The following MYLK4 variants were observed in gnomAD, a reference collection of about 807,000 sequenced individuals.
MYLK4 encodes myosin light chain kinase family member 4.
MYLK4 carries 46 observed loss-of-function variants against 48.1 expected under a neutral mutation model. That is an observed-to-expected ratio of 0.96 (90% CI 0.75 to 1.22). The LOEUF (loss-of-function observed/expected upper bound fraction) is 1.22. Ranked by LOEUF, MYLK4 falls within the 50% of genes most tolerant of loss-of-function variation. MYLK4 has a pLI of 0.00. For missense variants in MYLK4, 451 were observed against 486.1 expected, an observed-to-expected ratio of 0.93 and a Z score of 0.68; for synonymous variants, 170 against 180.8, an observed-to-expected ratio of 0.94 and a Z score of 0.48.
At chr6:2,747,485 A>G (rs910078501) in intron 2 of MYLK4, among the ~76,000 whole-genome samples, 2 of 152,086 alleles carry the variant, frequency 1.3e-5, no homozygotes, top group African/African-American at 4.8e-5. Flanking sequence ...AGCTGGGACT[A>G]CAGATGTGTG....
At chr6:2,752,006 G>C (rs961353374), upstream of MYLK4, among the ~76,000 whole-genome samples, 1 of 152,268 alleles carries the variant, frequency 6.6e-6, no homozygotes, top group South Asian at 2.1e-4. Flanking sequence ...TAATTAAATT[G>C]TGTAGAAGTA....
At chr6:2,668,351 C>T (rs553096663) in intron 12 of MYLK4, among the ~76,000 whole-genome samples, 1 of 152,224 alleles carries the variant, frequency 6.6e-6, no homozygotes, top group East Asian at 1.9e-4. Flanking sequence ...GACCTGGGGC[C>T]CGCACACGGC....
At position 2,668,554 on chromosome 6, in the gene MYLK4, A is replaced by T. The variant is rs1247799311; in HGVS notation, c.*26-655T>A. On this transcript the variant is annotated intron_variant, in intron 12 of 12. Transcript: ENST00000274643. ...ATTATGCCTTATTTATCGGCCTGGA[A>T]CTCTTTCTTTTACAACAGGAATAAT... Among the ~76,000 whole-genome samples, 8 of 151,930 alleles carry T rather than the reference A, an allele frequency of 5.3e-5. No homozygotes were observed. The East Asian group carries it at 1.5e-3, about 29-fold the overall frequency.
chr6:2,698,107 C>T (rs1582062549), intron 2 of MYLK4, among the ~76,000 whole-genome samples: 1 of 152,192 alleles, frequency 6.6e-6, no homozygotes, highest in East Asian at 1.9e-4. Context: ...AAATTGTGTT[C>T]ATAACATAAC....
At chr6:2,729,788 C>T (rs1049005887) in intron 2 of MYLK4, among the ~76,000 whole-genome samples, 4 of 152,034 alleles carry the variant, frequency 2.6e-5, no homozygotes, top group African/African-American at 9.7e-5. Flanking sequence ...CTACAAAGAA[C>T]CCTGTTAGGA....
chr6:2,690,821 A>ATGTT (rs1561842811), intron 3 of MYLK4, among the ~76,000 whole-genome samples: 1 of 127,812 alleles, frequency 7.8e-6, no homozygotes, highest in African/African-American at 3.2e-5. Flanking sequence ...ATCTCTCTGA[A>ATGTT]TCTTTTTTTT....
At chr6:2,760,484 A>T in the MYLK4 span, among the ~76,000 whole-genome samples, 1 of 152,186 alleles carries the variant, frequency 6.6e-6, no homozygotes, top group South Asian at 2.1e-4. Context: ...AAGCAATCAA[A>T]TTCAATTTCT....
intron 2 of MYLK4, among the ~76,000 whole-genome samples, chr6:2,742,676 C>T (rs1380043475): frequency 7.2e-6 from 1 of 139,418 alleles, no homozygotes; most frequent in African/African-American, 2.7e-5. Flanking sequence ...AATGAGAACA[C>T]GTGGACACAG....
chr6:2,741,987 G>A (rs965197235), intron 2 of MYLK4, among the ~76,000 whole-genome samples: 1 of 152,164 alleles, frequency 6.6e-6, no homozygotes, highest in African/African-American at 2.4e-5. Flanking sequence ...AGCGAAAAAT[G>A]ATTAACACTT....
At chr6:2,761,559 G>A in the MYLK4 span, among the ~76,000 whole-genome samples, 2 of 152,168 alleles carry the variant, frequency 1.3e-5, no homozygotes, top group Non-Finnish European at 2.9e-5. Flanking sequence ...TGGGTGCCAG[G>A]CACTTTACTA....
the MYLK4 span, chr6:2,768,923 C>A: frequency 1.3e-6 from 2 of 1,560,470 alleles, no homozygotes; most frequent in South Asian, 1.2e-5. Context: ...TTGTGAACAT[C>A]AAACAATATA....
intron 2 of MYLK4, among the ~76,000 whole-genome samples, chr6:2,747,261 C>A (rs1333473665): frequency 6.6e-6 from 1 of 152,148 alleles, no homozygotes; most frequent in Non-Finnish European, 1.5e-5. Flanking sequence ...TATTTAACTT[C>A]CAAATCATCA....
At chr6:2,770,213 A>G in the MYLK4 span, 1 of 1,614,158 alleles carries the variant, frequency 6.2e-7, no homozygotes, top group Non-Finnish European at 8.5e-7. Context: ...TGCTCTTCTG[A>G]GCCGCTGTCG....
At chr6:2,709,560 C>A (rs1272724379) in intron 2 of MYLK4, among the ~76,000 whole-genome samples, 1 of 152,258 alleles carries the variant, frequency 6.6e-6, no homozygotes, top group East Asian at 1.9e-4. Context: ...ATTCAACAAA[C>A]AAGCAAGTAC....
chr6:2,705,946 T>C (rs766082369), intron 2 of MYLK4, among the ~76,000 whole-genome samples: 1 of 151,874 alleles, frequency 6.6e-6, no homozygotes, highest in Non-Finnish European at 1.5e-5. Context: ...TTAAAGAGCA[T>C]TGTAGCCCAA....
At chr6:2,763,473 C>T in the MYLK4 span, among the ~76,000 whole-genome samples, 2 of 152,198 alleles carry the variant, frequency 1.3e-5, no homozygotes, top group African/African-American at 4.8e-5. Context: ...CCTTGCGCTG[C>T]GTGGAGGCAA....
At chr6:2,766,018 C>A in the MYLK4 span, 1 of 1,336,430 alleles carries the variant, frequency 7.5e-7, no homozygotes, top group Non-Finnish European at 9.6e-7. Context: ...CCCGCTCCAG[C>A]AGCCCCGGGA....
chr6:2,683,007 C>A lies in MYLK4; in HGVS notation c.687+14G>T. ...GGAAGGGCTTACGTCTCACAGGATA[C>A]AAAACACCCTTACCTTCAGGTCCAA... On this transcript the variant is annotated intron_variant, in intron 7 of 12. Transcript: ENST00000274643. 6.2e-7 allele frequency: 1 copy of A among 1,614,170 alleles called. No individual in the cohort carries two copies. Among genetic ancestry groups the A allele is most frequent in the Non-Finnish European group, 8.5e-7 (1 of 1,180,010 alleles).
chr6:2,748,755 C>A (rs191385783), intron 2 of MYLK4, among the ~76,000 whole-genome samples: 1 of 152,196 alleles, frequency 6.6e-6, no homozygotes, highest in African/African-American at 2.4e-5. Context: ...TGCTGTCTAC[C>A]GCGTGAGGAA....
Sources: gnomAD v4.1 joint callset for allele counts (sites outside exome capture counted in the v4.1 genomes callset) on GRCh38, gnomAD v4.1.1 for gene constraint, MANE v1.5 for transcripts, NCBI Gene and HGNC (gene_info 2026-07-23, HGNC 2026-07-21) for gene names.